The following LYPLAL1 variants were observed in gnomAD, a reference collection of about 807,000 sequenced individuals.
LYPLAL1 encodes the protein lysophospholipase like 1, also known as lysophospholipase-like protein 1.
Under a neutral mutation model 19.7 loss-of-function variants are expected in LYPLAL1, and 23 were observed. The observed-to-expected ratio is 1.17, with a 90% CI of 0.84 to 1.65. LYPLAL1 has a LOEUF of 1.65. Ranked by LOEUF, LYPLAL1 falls within the 40% of genes most tolerant of loss-of-function variation. The probability of loss-of-function intolerance (pLI) is 0.00; values close to 1 mark genes in which losing one functional copy is unlikely to be tolerated. For synonymous variants in LYPLAL1, 119 were observed against 96.3 expected, an observed-to-expected ratio of 1.24 and a Z score of -1.38; for missense variants, 355 against 279.4, an observed-to-expected ratio of 1.27 and a Z score of -1.93.
chr1:219,287,267 T>C, the LYPLAL1 span, among the ~76,000 whole-genome samples: 1 of 152,172 alleles, frequency 6.6e-6, no homozygotes, highest in Non-Finnish European at 1.5e-5. Context: ...AATTTAGCAA[T>C]GTATTTAACA....
At chr1:219,395,831 C>T in the LYPLAL1 span, among the ~76,000 whole-genome samples, 10 of 151,958 alleles carry the variant, frequency 6.6e-5, 1 homozygote, top group South Asian at 4.2e-4. Flanking sequence ...TGGCTGGATG[C>T]GGTGGCTCAC....
At chr1:219,331,874 T>C in the LYPLAL1 span, among the ~76,000 whole-genome samples, 1 of 152,286 alleles carries the variant, frequency 6.6e-6, no homozygotes, top group Non-Finnish European at 1.5e-5. Flanking sequence ...TACCTGCACC[T>C]TGCTATCATG....
At chr1:219,180,597 A>C (rs918714914) in intron 2 of LYPLAL1, among the ~76,000 whole-genome samples, 18 of 152,204 alleles carry the variant, frequency 1.2e-4, no homozygotes, top group African/African-American at 4.3e-4. Context: ...AAATGTCAAA[A>C]AAGCTTCTTG....
the LYPLAL1 span, among the ~76,000 whole-genome samples, chr1:219,230,352 C>T: frequency 6.6e-6 from 1 of 152,180 alleles, no homozygotes; most frequent in Admixed American, 6.5e-5. Context: ...ACCTTGTGAT[C>T]CGCCTACCTC....
the LYPLAL1 span, among the ~76,000 whole-genome samples, chr1:219,237,447 A>G: frequency 1.3e-5 from 2 of 152,246 alleles, no homozygotes; most frequent in African/African-American, 4.8e-5. Context: ...TTTTGTCAAC[A>G]CATTTTATTG....
the LYPLAL1 span, among the ~76,000 whole-genome samples, chr1:219,239,673 C>T: frequency 6.6e-6 from 1 of 152,216 alleles, no homozygotes; most frequent in South Asian, 2.1e-4. Flanking sequence ...CTAAATGTGA[C>T]AATATAAACT....
the LYPLAL1 span, among the ~76,000 whole-genome samples, chr1:219,287,186 ATGCAGGAAGAGG>A: frequency 6.6e-6 from 1 of 152,202 alleles, no homozygotes; most frequent in African/African-American, 2.4e-5. Context: ...TTTTATCCGA[ATGCAGGAAGAGG>A]TGAGGAAGAA....
chr1:219,257,112 T>A, the LYPLAL1 span, among the ~76,000 whole-genome samples: 1 of 152,058 alleles, frequency 6.6e-6, no homozygotes, highest in Non-Finnish European at 1.5e-5. Flanking sequence ...GTTTTAGATC[T>A]GCTTGTTCTA....
At chr1:219,265,122 AGAAAAAG>A in the LYPLAL1 span, among the ~76,000 whole-genome samples, 4 of 152,214 alleles carry the variant, frequency 2.6e-5, no homozygotes, top group African/African-American at 9.6e-5. Flanking sequence ...AATGGGCTAA[AGAAAAAG>A]AATGCCTGGA....
intron 3 of LYPLAL1, 81 bp from the exon 4 acceptor site, chr1:219,210,451 A>G: frequency 1.0e-6 from 1 of 994,466 alleles, no homozygotes; most frequent in Non-Finnish European, 1.5e-6. Flanking sequence ...CAGATATTTT[A>G]AAAATATGGA....
the LYPLAL1 span, among the ~76,000 whole-genome samples, chr1:219,262,090 G>A: frequency 1.3e-5 from 2 of 151,934 alleles, no homozygotes; most frequent in Non-Finnish European, 2.9e-5. Context: ...TAATTCAAAA[G>A]CCTTGTTTTT....
At chr1:219,284,564 A>T in the LYPLAL1 span, among the ~76,000 whole-genome samples, 1 of 152,272 alleles carries the variant, frequency 6.6e-6, no homozygotes, top group Non-Finnish European at 1.5e-5. Context: ...GGATTCTCAT[A>T]GTAAATTAAA....
chr1:219,179,411 G>A (rs1656081751), intron 2 of LYPLAL1, 165 bp downstream of exon 2: 1 of 588,306 alleles, frequency 1.7e-6, no homozygotes, highest in Admixed American at 3.7e-5. Context: ...TACACTGTTG[G>A]ACCAAGTTTT....
At chr1:219,370,608 G>GC in the LYPLAL1 span, among the ~76,000 whole-genome samples, 1 of 152,220 alleles carries the variant, frequency 6.6e-6, no homozygotes, top group African/African-American at 2.4e-5. Context: ...GAGATAGAAG[G>GC]CTGGGGATAA....
At chr1:219,186,821 C>A (rs1558225658) in intron 2 of LYPLAL1, among the ~76,000 whole-genome samples, 2 of 151,688 alleles carry the variant, frequency 1.3e-5, no homozygotes. Context: ...GATAATTTGT[C>A]TTCTAAGTGA....
the LYPLAL1 span, among the ~76,000 whole-genome samples, chr1:219,381,864 AGAC>A: frequency 6.6e-6 from 1 of 152,206 alleles, no homozygotes; most frequent in East Asian, 1.9e-4. Context: ...ATCAGGGAAA[AGAC>A]AACACAGTAC....
At chr1:219,345,040 A>G in the LYPLAL1 span, among the ~76,000 whole-genome samples, 1 of 152,220 alleles carries the variant, frequency 6.6e-6, no homozygotes, top group South Asian at 2.1e-4. Context: ...TAATCATAAT[A>G]GTCAGAAATG....
the LYPLAL1 span, among the ~76,000 whole-genome samples, chr1:219,443,446 T>G: frequency 3.9e-5 from 6 of 152,230 alleles, no homozygotes; most frequent in Non-Finnish European, 5.9e-5. Context: ...TTTGTTATAA[T>G]GTGATAACTT....
chr1:219,346,859 C>T, the LYPLAL1 span, among the ~76,000 whole-genome samples: 1 of 152,206 alleles, frequency 6.6e-6, no homozygotes, highest in African/African-American at 2.4e-5. Context: ...CACGCCCTGC[C>T]TCTCTGAAAC....
Sources: gnomAD v4.1 joint callset for allele counts (sites outside exome capture counted in the v4.1 genomes callset) on GRCh38, gnomAD v4.1.1 for gene constraint, MANE v1.5 for transcripts, NCBI Gene and HGNC (gene_info 2026-07-23, HGNC 2026-07-21) for gene names.